Variants in PPFIA2 observed in about 807,000 individuals in gnomAD.
The protein encoded by PPFIA2 is liprin-alpha-2.
Under a neutral mutation model 175.5 loss-of-function variants are expected in PPFIA2, and 46 were observed. That is an observed-to-expected ratio of 0.26 (90% confidence interval 0.21 to 0.34). PPFIA2 has a LOEUF of 0.34. PPFIA2 is among the 10% of genes least tolerant of loss of function. The pLI is 1.00. For synonymous variants in PPFIA2, 568 were observed against 511.4 expected (o/e 1.11, Z -1.49); for missense variants, 1,179 against 1,506.1 (o/e 0.78, Z 3.60).
At chr12:81,718,193 G>A (rs1188808448) in intron 3 of PPFIA2, among the ~76,000 whole-genome samples, 1 of 151,598 alleles carries the variant, frequency 6.6e-6, no homozygotes, top group African/African-American at 2.4e-5. Context: ...TTTGTGGCTA[G>A]AGGAAGACAG....
chr12:81,515,623 T>A lies in PPFIA2; in HGVS notation c.304-57757A>T, dbSNP rs140910898. On this transcript the variant is annotated intron_variant, in intron 4 of 32. Transcript: ENST00000549396. ...CAGCTTAGATGCTTATACTACACCT[T>A]CTCAGTGAGTGTCATCTGGATGTTT... Among the ~76,000 whole-genome samples the A allele has an allele frequency of 5.3e-3, 809 of 152,184 alleles. 5 individuals are homozygous for A. The highest frequency in any genetic ancestry group is 0.02 in the Middle Eastern group (6 of 294).
chr12:81,546,290 T>G (rs965735247), intron 4 of PPFIA2: 1 of 152,174 alleles, frequency 6.6e-6, no homozygotes. Context: ...ATTCATAGCA[T>G]TTACAGCTTA....
chr12:81,656,867 T>C, intron 4 of PPFIA2, among the ~76,000 whole-genome samples: 1 of 152,116 alleles, frequency 6.6e-6, no homozygotes, highest in East Asian at 1.9e-4. Flanking sequence ...TGAAAAATAA[T>C]TTAATAGCCG....
rs1424640589 is a variant in PPFIA2, at chr12:81,325,716, T to C, written c.2642+61A>G. The C allele has an allele frequency of 2.5e-6, 3 of 1,219,602 alleles. No individual in the cohort carries two copies. In the African/African-American group the frequency reaches 4.5e-5, roughly 18 times the overall value. 75.5% of individuals were successfully genotyped at this position (1,219,602 alleles called of 1,614,324 possible). A position where few individuals can be genotyped will look rare whatever the true frequency, so the allele number is the denominator to read the frequency against. On this transcript the variant is annotated intron_variant, in intron 22 of 32. Coordinates refer to ENST00000549396, the MANE Select transcript of PPFIA2 (RefSeq NM_003625.5). ...TCCAACCACTCTCTTTTTAATTCCC[T>C]ATAAATAATAATAAGGAATTGATAA...
At chr12:81,687,005 C>T (rs1316334799) in intron 3 of PPFIA2, among the ~76,000 whole-genome samples, 3 of 152,000 alleles carry the variant, frequency 2.0e-5, no homozygotes, top group African/African-American at 4.8e-5. Context: ...GCAACATCAC[C>T]TAGGAACTCA....
In PPFIA2 at chr12:81,642,830, G is replaced by GTATACATTATATACATA. The variant is rs1340468877; in HGVS notation, c.303+33960_303+33961insTATGTATATAATGTATA. On this transcript the variant is annotated intron_variant, in intron 4 of 32. Transcript: ENST00000549396. ...ATGTATTACATACATGTATATGTAT[G>GTATACATTATATACATA]TATGTATTACATACATATATAACAT... Among the ~76,000 whole-genome samples the GTATACATTATATACATA allele has an allele frequency of 2.4e-5, 3 of 124,112 alleles. 1 individual carries two copies. The highest frequency in any genetic ancestry group is 4.9e-5 in the Non-Finnish European group (3 of 60,670). The allele number at this position is 124,112 out of a possible 152,430, so 81.4% of individuals were successfully genotyped here.
chr12:81,626,282 A>C (rs979138499), intron 4 of PPFIA2, among the ~76,000 whole-genome samples: 1 of 151,886 alleles, frequency 6.6e-6, no homozygotes, highest in Non-Finnish European at 1.5e-5. Flanking sequence ...TGGAAAATAA[A>C]CTATTTTCAA....
chr12:81,585,005 A>T (rs866412511), intron 4 of PPFIA2, among the ~76,000 whole-genome samples: 1 of 50,250 alleles, frequency 2.0e-5, no homozygotes, highest in Admixed American at 2.6e-4. Flanking sequence ...TAATATATTA[A>T]TTATATTTAT....
intron 3 of PPFIA2, among the ~76,000 whole-genome samples, chr12:81,733,667 T>C (rs2081216293): frequency 1.3e-5 from 2 of 151,850 alleles, no homozygotes; most frequent in South Asian, 4.1e-4. Flanking sequence ...AATGAATATA[T>C]TGATCAACAG....
At chr12:81,383,056 G>A (rs1481352939) in intron 9 of PPFIA2, among the ~76,000 whole-genome samples, 1 of 152,086 alleles carries the variant, frequency 6.6e-6, no homozygotes, top group Non-Finnish European at 1.5e-5. Context: ...TGCTTCAGAA[G>A]ACTGAGAATT....
In PPFIA2 at chr12:81,306,445, A is replaced by C. The variant is rs145429166; in HGVS notation, c.2643-7063T>G. Among the ~76,000 whole-genome samples the C allele has an allele frequency of 5.5e-3, 834 of 152,234 alleles. 11 individuals are homozygous for C. The highest frequency in any genetic ancestry group is 0.019 in the African/African-American group (805 of 41,542). ...AAAGGTTTTGTAAGAAAATATGTGT[A>C]ATATGATTACAAAAGTAACTCACAC... On this transcript the variant is annotated intron_variant, in intron 22 of 32. Coordinates refer to ENST00000549396, the MANE Select transcript of PPFIA2 (RefSeq NM_003625.5).
chr12:81,330,132 G>T (rs2055796929), intron 21 of PPFIA2, among the ~76,000 whole-genome samples: 4 of 152,066 alleles, frequency 2.6e-5, no homozygotes. Flanking sequence ...GAAAATCCTG[G>T]CAAGTAGAGC....
chr12:81,404,555 C>G (rs1304887992), intron 8 of PPFIA2, among the ~76,000 whole-genome samples: 2 of 152,078 alleles, frequency 1.3e-5, no homozygotes, highest in African/African-American at 2.4e-5. Context: ...TAATGTTATT[C>G]TAATCTCAGA....
intron 4 of PPFIA2, among the ~76,000 whole-genome samples, chr12:81,653,469 G>A (rs2067310436): frequency 1.3e-5 from 2 of 151,978 alleles, no homozygotes; most frequent in South Asian, 4.1e-4. Context: ...CTCCAAAAGA[G>A]GATCTCTTCC....
At chr12:81,484,002 C>A (rs1172692324) in intron 4 of PPFIA2, among the ~76,000 whole-genome samples, 1 of 151,642 alleles carries the variant, frequency 6.6e-6, no homozygotes. Context: ...GGGTAGGAAT[C>A]ACTTTTAAAA....
At chr12:81,648,732 T>A (rs773730104) in intron 4 of PPFIA2, among the ~76,000 whole-genome samples, 40 of 151,854 alleles carry the variant, frequency 2.6e-4, no homozygotes, top group South Asian at 6.2e-4. Flanking sequence ...TTGTAGCTCT[T>A]TCAAGGATTA....
chr12:81,414,971 A>G (rs1450018322), intron 7 of PPFIA2, among the ~76,000 whole-genome samples: 4 of 150,312 alleles, frequency 2.7e-5, no homozygotes, highest in African/African-American at 4.9e-5. Context: ...TATAAGCATC[A>G]CTGAAGCACG....
rs2059696152 is a variant in PPFIA2, at chr12:81,600,662, T to C, written c.303+76129A>G. ...TTTTTAAATGACTAAATAGATTTAC[T>C]AGCTGTGGAAATAAGTTATATATGT... On this transcript the variant is annotated intron_variant, in intron 4 of 32. Coordinates refer to ENST00000549396, the MANE Select transcript of PPFIA2 (RefSeq NM_003625.5). Among the ~76,000 whole-genome samples, 3 of 151,944 alleles carry C rather than the reference T, an allele frequency of 2.0e-5. No homozygotes were observed. In the South Asian group the frequency reaches 6.2e-4, roughly 31 times the overall value.
chr12:81,611,727 G>A (rs1385294260), intron 4 of PPFIA2, among the ~76,000 whole-genome samples: 1 of 152,080 alleles, frequency 6.6e-6, no homozygotes, highest in Non-Finnish European at 1.5e-5. Context: ...GTGGGGAGGC[G>A]GGCCCAAGTG....
Sources: allele counts gnomAD v4.1 joint callset (sites outside exome capture counted in the v4.1 genomes callset), GRCh38; gene constraint gnomAD v4.1.1; transcripts MANE v1.5; gene names NCBI Gene and HGNC (gene_info 2026-07-23, HGNC 2026-07-21).